RGS6: variants seen among roughly 807,000 people sequenced by gnomAD.
The protein encoded by RGS6 is regulator of G protein signaling 6.
A neutral mutation model predicts 78.5 loss-of-function variants in RGS6; 30 were observed. The observed-to-expected ratio is 0.38, with a 90% CI of 0.29 to 0.52. The LOEUF (loss-of-function observed/expected upper bound fraction) is 0.52. RGS6 is among the 20% of genes least tolerant of loss of function. The pLI, the probability that RGS6 is intolerant of heterozygous loss-of-function variation, is 0.85. For synonymous variants in RGS6, 206 were observed against 206.0 expected (o/e 1.00, Z 0.00); for missense variants, 495 against 609.7 (o/e 0.81, Z 1.98).
chr14:72,117,989 A>C (rs1404250145), intron 2 of RGS6, among the ~76,000 whole-genome samples: 2 of 152,172 alleles, frequency 1.3e-5, no homozygotes, highest in Non-Finnish European at 2.9e-5. Context: ...ATCTATCCAA[A>C]GTTATCAACT....
intron 3 of RGS6, among the ~76,000 whole-genome samples, chr14:72,407,714 A>G (rs2093051708): frequency 6.6e-6 from 1 of 152,242 alleles, no homozygotes; most frequent in Non-Finnish European, 1.5e-5. Flanking sequence ...TCTCTAGTGC[A>G]ATGACATTAA....
intron 2 of RGS6, among the ~76,000 whole-genome samples, chr14:71,973,240 A>G (rs1178435130): frequency 6.6e-6 from 1 of 152,194 alleles, no homozygotes; most frequent in Non-Finnish European, 1.5e-5. Flanking sequence ...ACTACTTCAT[A>G]GCCTCCTTTA....
At chr14:72,584,621 T>C in the RGS6 span, among the ~76,000 whole-genome samples, 2 of 152,118 alleles carry the variant, frequency 1.3e-5, no homozygotes, top group Non-Finnish European at 2.9e-5. Context: ...GATGGCAGCA[T>C]CCTGACAGAG....
At chr14:72,383,213 T>TATATATATATATATATATATATATAC (rs1387301746) in intron 3 of RGS6, among the ~76,000 whole-genome samples, 1 of 118,336 alleles carries the variant, frequency 8.5e-6, no homozygotes, top group Non-Finnish European at 1.7e-5. Flanking sequence ...TATATATATA[T>TATATATATATATATATATATATATAC]ACACACAAAC....
At chr14:72,414,379 C>G (rs549780763) in intron 3 of RGS6, among the ~76,000 whole-genome samples, 1 of 152,198 alleles carries the variant, frequency 6.6e-6, no homozygotes, top group East Asian at 1.9e-4. Flanking sequence ...CTTGTGCATT[C>G]GTCACATAGT....
At chr14:72,316,866 C>T (rs2070400483) in intron 2 of RGS6, among the ~76,000 whole-genome samples, 1 of 149,598 alleles carries the variant, frequency 6.7e-6, no homozygotes, top group South Asian at 2.1e-4. Flanking sequence ...ATAAACTGTT[C>T]CCTAGGTATA....
At chr14:71,871,165 T>C in the RGS6 span, among the ~76,000 whole-genome samples, 2 of 152,184 alleles carry the variant, frequency 1.3e-5, no homozygotes, top group South Asian at 4.1e-4. Flanking sequence ...CTCTACCTGC[T>C]ATTTGGGGGG....
chr14:72,104,377 T>C (rs1328691396), intron 2 of RGS6, among the ~76,000 whole-genome samples: 2 of 152,260 alleles, frequency 1.3e-5, no homozygotes, highest in Admixed American at 1.3e-4. Context: ...GTTGTTGTTT[T>C]ATATTTTTAT....
At chr14:72,584,575 C>G in the RGS6 span, among the ~76,000 whole-genome samples, 1 of 152,042 alleles carries the variant, frequency 6.6e-6, no homozygotes, top group African/African-American at 2.4e-5. Flanking sequence ...TGAAAAGGCC[C>G]AAGGTGAGAC....
intron 14 of RGS6, among the ~76,000 whole-genome samples, chr14:72,517,205 T>C (rs1053070766): frequency 6.6e-6 from 1 of 152,054 alleles, no homozygotes; most frequent in Non-Finnish European, 1.5e-5. Flanking sequence ...GAATGCACTG[T>C]CTGCACTTTC....
intron 3 of RGS6, among the ~76,000 whole-genome samples, chr14:72,399,433 C>A (rs1410995306): frequency 6.6e-6 from 1 of 151,988 alleles, no homozygotes; most frequent in Non-Finnish European, 1.5e-5. Flanking sequence ...TGTCTCTGCA[C>A]GTGAGATGGG....
At chr14:72,427,159 G>A (rs1227890265) in intron 3 of RGS6, among the ~76,000 whole-genome samples, 13 of 152,148 alleles carry the variant, frequency 8.5e-5, no homozygotes, top group Admixed American at 6.6e-4. Flanking sequence ...ATGGTCAACC[G>A]TGGCCCAAAA....
the RGS6 span, among the ~76,000 whole-genome samples, chr14:71,915,437 CAGAG>C: frequency 6.6e-6 from 1 of 152,024 alleles, no homozygotes; most frequent in Non-Finnish European, 1.5e-5. Flanking sequence ...TGCTTGTAGT[CAGAG>C]AGATGCCTGT....
At chr14:72,005,269 C>A (rs781587701) in intron 2 of RGS6, among the ~76,000 whole-genome samples, 7 of 151,912 alleles carry the variant, frequency 4.6e-5, no homozygotes, top group Admixed American at 6.6e-5. Context: ...TGTTTTTCCC[C>A]CTGAGTATAA....
chr14:72,228,965 G>A (rs2048852531), intron 2 of RGS6, among the ~76,000 whole-genome samples: 1 of 152,194 alleles, frequency 6.6e-6, no homozygotes, highest in Non-Finnish European at 1.5e-5. Context: ...TGAGGCAGAA[G>A]AATCGCTTGA....
intron 17 of RGS6, chr14:72,541,277 T>C (rs905044750): frequency 2.1e-6 from 3 of 1,441,292 alleles, no homozygotes; most frequent in Non-Finnish European, 2.8e-6. Flanking sequence ...AGTCTAAGGC[T>C]CCTGGGTTGA....
rs191304836 is a variant in RGS6 at position 72,239,613 on chromosome 14, A to G, written c.85-112482A>G. On this transcript the variant is annotated intron_variant, in intron 2 of 17. Coordinates refer to ENST00000553525, the MANE Select transcript of RGS6 (RefSeq NM_001204424.2). ...AGTGAGCACCTCTCTTGACACCAGTAATCTGATAGCAGGATCAGGAAGCTG... is the reference window on the plus strand; with the variant it reads ...AGTGAGCACCTCTCTTGACACCAGTGATCTGATAGCAGGATCAGGAAGCTG... 3.1e-3 allele frequency among the ~76,000 whole-genome samples: 472 copies of G among 152,266 alleles called. 1 individual carries two copies. The highest frequency in any genetic ancestry group is 0.011 in the African/African-American group (455 of 41,550).
At chr14:72,106,219 A>G (rs1022967754) in intron 2 of RGS6, among the ~76,000 whole-genome samples, 1 of 152,216 alleles carries the variant, frequency 6.6e-6, no homozygotes, top group African/African-American at 2.4e-5. Context: ...TTAATTTAAC[A>G]TTGTATTGAG....
At chr14:72,369,152 G>A (rs1383510505) in intron 3 of RGS6, among the ~76,000 whole-genome samples, 1 of 152,196 alleles carries the variant, frequency 6.6e-6, no homozygotes, top group African/African-American at 2.4e-5. Flanking sequence ...CATGGGCCAT[G>A]GGTTGGACAA....
Sources: gnomAD v4.1 joint callset for allele counts (sites outside exome capture counted in the v4.1 genomes callset) on GRCh38, gnomAD v4.1.1 for gene constraint, MANE v1.5 for transcripts, NCBI Gene and HGNC (gene_info 2026-07-23, HGNC 2026-07-21) for gene names.